FAM227B: variants seen among roughly 807,000 people sequenced by gnomAD.
The protein encoded by FAM227B is protein FAM227B.
A neutral mutation model predicts 73.8 loss-of-function variants in FAM227B; 88 were observed. That is an observed-to-expected ratio of 1.19 (90% CI 1.00 to 1.42). The LOEUF (loss-of-function observed/expected upper bound fraction) is 1.42, where lower values mean the gene tolerates loss of function less well. Among genes scored for constraint, FAM227B ranks in the 40% most tolerant of loss-of-function variants. The pLI is 0.00. For synonymous variants in FAM227B, 210 were observed against 190.5 expected (o/e 1.10, Z -0.84); for missense variants, 632 against 590.9 (o/e 1.07, Z -0.72).
intron 11 of FAM227B, among the ~76,000 whole-genome samples, chr15:49,418,352 A>G (rs1035998115): frequency 6.6e-6 from 1 of 152,206 alleles, no homozygotes; most frequent in African/African-American, 2.4e-5. Context: ...CCATAAAGAC[A>G]CATGCATGTG....
At chr15:49,503,601 A>C (rs2058331594) in intron 11 of FAM227B, among the ~76,000 whole-genome samples, 1 of 152,206 alleles carries the variant, frequency 6.6e-6, no homozygotes, top group Non-Finnish European at 1.5e-5. Context: ...CAACCCCATC[A>C]AAAAGTGGGC....
Position 49,342,191 on chromosome 15 carries a change from T to C in FAM227B, c.1272-6695A>G, listed in dbSNP as rs144342593. Among the ~76,000 whole-genome samples, 1,041 of 152,326 alleles carry C rather than the reference T, an allele frequency of 6.8e-3. 7 individuals carry two copies. Among genetic ancestry groups the C allele is most frequent in the Non-Finnish European group, 0.011 (782 of 68,010 alleles). On this transcript the variant is annotated intron_variant, in intron 13 of 15. Transcript: ENST00000299338. The stretch of plus-strand genomic sequence containing the variant: ...CTTTTTGTATGTGTAAAAGTAGTTG[T>C]TTTATGAATCTGGGTGATCCAATGC...
intron 11 of FAM227B, among the ~76,000 whole-genome samples, chr15:49,492,479 C>T (rs777969287): frequency 1.5e-4 from 23 of 151,726 alleles, no homozygotes; most frequent in Non-Finnish European, 2.7e-4. Flanking sequence ...TAGTTTACAG[C>T]GTTAATTATT....
At chr15:49,376,438 GATTT>G (rs1177913210) in intron 11 of FAM227B, among the ~76,000 whole-genome samples, 3 of 152,010 alleles carry the variant, frequency 2.0e-5, no homozygotes, top group African/African-American at 7.2e-5. Flanking sequence ...ATGAATGTGA[GATTT>G]ATTACTGGAC....
At chr15:49,616,201 C>G (rs1444332555) in intron 1 of FAM227B, among the ~76,000 whole-genome samples, 1 of 152,018 alleles carries the variant, frequency 6.6e-6, no homozygotes, top group East Asian at 1.9e-4. Flanking sequence ...GCAGATGGAG[C>G]CTTTGAGGAG....
intron 11 of FAM227B, among the ~76,000 whole-genome samples, chr15:49,499,083 G>A (rs1040611067): frequency 8.9e-5 from 13 of 145,710 alleles, no homozygotes; most frequent in African/African-American, 2.3e-4. Flanking sequence ...GGAGAATGGC[G>A]TGAACCCGGG....
intron 3 of FAM227B, among the ~76,000 whole-genome samples, chr15:49,591,024 TTTTTGTTTTTTTTTTTTTTGA>T: frequency 7.3e-6 from 1 of 137,730 alleles, no homozygotes; most frequent in Admixed American, 7.4e-5. Context: ...CTTTCTCTTT[TTTTTGTTTTTTTTTTTTTTGA>T]TTTTTTTTTT....
At chr15:49,490,244 T>C (rs986977446) in intron 11 of FAM227B, among the ~76,000 whole-genome samples, 6 of 151,792 alleles carry the variant, frequency 4.0e-5, no homozygotes, top group Admixed American at 2.6e-4. Flanking sequence ...ACAGGAAATG[T>C]AGACACTAGA....
chr15:49,442,127 T>A (rs4332689), intron 11 of FAM227B, among the ~76,000 whole-genome samples: 138,234 of 151,610 alleles, frequency 0.91, 64,415 homozygotes, highest in East Asian at 1. Context: ...CTCTCAGCTC[T>A]TCATTAAGAA....
intron 3 of FAM227B, among the ~76,000 whole-genome samples, chr15:49,595,904 T>A (rs1162029593): frequency 6.6e-6 from 1 of 151,610 alleles, no homozygotes; most frequent in African/African-American, 2.4e-5. Flanking sequence ...ATTGACCCAG[T>A]CCAACAAAGA....
At chr15:49,429,455 C>T (rs968074999) in intron 11 of FAM227B, among the ~76,000 whole-genome samples, 3 of 151,938 alleles carry the variant, frequency 2.0e-5, no homozygotes, top group Non-Finnish European at 2.9e-5. Context: ...CTCTTATCAT[C>T]TCTTTTCTCT....
In FAM227B at chr15:49,568,310, T is replaced by G; in HGVS notation, c.682A>C (p.Ile228Leu). The G allele has an allele frequency of 6.2e-7, 1 of 1,611,646 alleles. No homozygotes were observed. The highest frequency in any genetic ancestry group is 8.5e-7 in the Non-Finnish European group (1 of 1,178,874). Residue 228 changes from isoleucine to leucine, a missense_variant, in exon 9 of 16, where the codon ATT becomes CTT. Transcript: ENST00000299338. ...AAAAGTGTCACATAACTTTCTGAAA[T>G]TCTATCGAATAAGCAATCTTGGTTT... ...RENQDCLFDR[I>L]SESYVTLFMS...
chr15:49,487,706 A>G (rs557452212), intron 11 of FAM227B: 1 of 152,110 alleles, frequency 6.6e-6, no homozygotes, highest in East Asian at 1.9e-4. Context: ...ATAAGAAGTT[A>G]GAGAATAATG....
chr15:49,534,195 G>A (rs2060833791), intron 10 of FAM227B, among the ~76,000 whole-genome samples: 1 of 151,790 alleles, frequency 6.6e-6, no homozygotes, highest in Non-Finnish European at 1.5e-5. Context: ...TTAAGATCAA[G>A]AGCAGGTCAC....
At chr15:49,578,012 A>C (rs1247595617) in intron 5 of FAM227B, among the ~76,000 whole-genome samples, 1 of 152,188 alleles carries the variant, frequency 6.6e-6, no homozygotes, top group African/African-American at 2.4e-5. Context: ...TTTGGAATCA[A>C]TGCCTTTTGG....
chr15:49,570,639 C>T (rs946211004), intron 8 of FAM227B, among the ~76,000 whole-genome samples: 2 of 151,492 alleles, frequency 1.3e-5, no homozygotes, highest in African/African-American at 4.8e-5. Flanking sequence ...TCCCCACCCT[C>T]GGCCTCTGAT....
chr15:49,392,006 T>C (rs2047242685), intron 11 of FAM227B, among the ~76,000 whole-genome samples: 1 of 152,066 alleles, frequency 6.6e-6, no homozygotes, highest in Non-Finnish European at 1.5e-5. Flanking sequence ...TGTGGTTTAG[T>C]AACAGTAGAC....
chr15:49,508,175 C>T (rs769035739), intron 11 of FAM227B, 36 bp downstream of exon 11: 21 of 1,578,144 alleles, frequency 1.3e-5, no homozygotes, highest in Middle Eastern at 1.7e-4. Context: ...TTTTTGCTAC[C>T]TATTCCATTT....
At chr15:49,373,973 T>C (rs1458751860) in intron 11 of FAM227B, among the ~76,000 whole-genome samples, 1 of 152,190 alleles carries the variant, frequency 6.6e-6, no homozygotes, top group Non-Finnish European at 1.5e-5. Flanking sequence ...AAAGGCCTCA[T>C]ACCTGCATTA....
Sources: allele counts gnomAD v4.1 joint callset (sites outside exome capture counted in the v4.1 genomes callset), GRCh38; gene constraint gnomAD v4.1.1; transcripts MANE v1.5; gene names NCBI Gene and HGNC (gene_info 2026-07-23, HGNC 2026-07-21).